Variants in HS6ST3 observed in about 807,000 individuals in gnomAD.
The protein encoded by HS6ST3 is heparan-sulfate 6-O-sulfotransferase 3.
HS6ST3 carries 12 observed loss-of-function variants against 36.7 expected under a neutral mutation model. That is an observed-to-expected ratio of 0.33 (90% CI 0.21 to 0.53). The LOEUF (loss-of-function observed/expected upper bound fraction) is 0.53. HS6ST3 is among the 20% of genes least tolerant of loss of function. HS6ST3 has a pLI of 0.95. For synonymous variants in HS6ST3, 240 were observed against 257.5 expected (o/e 0.93, Z 0.65); for missense variants, 584 against 640.9 (o/e 0.91, Z 0.96).
At chr13:96,777,701 A>T (rs1378152621) in intron 1 of HS6ST3, among the ~76,000 whole-genome samples, 1 of 152,236 alleles carries the variant, frequency 6.6e-6, no homozygotes, top group Non-Finnish European at 1.5e-5. Flanking sequence ...AAAACATTCC[A>T]TGTTCATGGA....
intron 1 of HS6ST3, among the ~76,000 whole-genome samples, chr13:96,093,123 C>A (rs1295865667): frequency 6.6e-6 from 1 of 152,120 alleles, no homozygotes; most frequent in African/African-American, 2.4e-5. Flanking sequence ...CCTGATTGAC[C>A]TCAAAGGGTT....
intron 1 of HS6ST3, among the ~76,000 whole-genome samples, chr13:96,829,691 T>C (rs1470857896): frequency 6.6e-6 from 1 of 152,238 alleles, no homozygotes; most frequent in African/African-American, 2.4e-5. Context: ...TAGTATTCCA[T>C]TGTGTATATA....
At chr13:96,202,320 G>A (rs1486027222) in intron 1 of HS6ST3, among the ~76,000 whole-genome samples, 1 of 152,128 alleles carries the variant, frequency 6.6e-6, no homozygotes, top group Non-Finnish European at 1.5e-5. Flanking sequence ...TGAAATTTCT[G>A]ATCAAAGGTT....
At chr13:96,460,309 C>T (rs1327231622) in intron 1 of HS6ST3, among the ~76,000 whole-genome samples, 1 of 152,156 alleles carries the variant, frequency 6.6e-6, no homozygotes, top group East Asian at 1.9e-4. Flanking sequence ...AACAAGTGTA[C>T]TCTGTGAAAT....
chr13:96,414,440 G>A (rs2055523051), intron 1 of HS6ST3, among the ~76,000 whole-genome samples: 1 of 152,162 alleles, frequency 6.6e-6, no homozygotes, highest in Admixed American at 6.5e-5. Context: ...AGCTAGGTTT[G>A]TGTGATATCA....
chr13:96,596,367 G>A (rs2056401496), intron 1 of HS6ST3, among the ~76,000 whole-genome samples: 1 of 152,138 alleles, frequency 6.6e-6, no homozygotes, highest in Non-Finnish European at 1.5e-5. Flanking sequence ...ATCAGTTGAT[G>A]AGCAGTTAGG....
intron 1 of HS6ST3, among the ~76,000 whole-genome samples, chr13:96,816,353 A>C (rs1878422313): frequency 6.6e-6 from 1 of 152,210 alleles, no homozygotes; most frequent in South Asian, 2.1e-4. Context: ...TAAAAGTCCT[A>C]AGCCAAAAGT....
chr13:96,639,847 G>A (rs984066664), intron 1 of HS6ST3, among the ~76,000 whole-genome samples: 4 of 151,886 alleles, frequency 2.6e-5, no homozygotes, highest in Non-Finnish European at 5.9e-5. Context: ...ATAGGATAAC[G>A]GTCACCAGCT....
At chr13:96,426,443 G>A (rs974673239) in intron 1 of HS6ST3, among the ~76,000 whole-genome samples, 9 of 152,108 alleles carry the variant, frequency 5.9e-5, no homozygotes, top group Non-Finnish European at 8.8e-5. Context: ...CTTTCTTGAT[G>A]TTTCTTTCTG....
intron 1 of HS6ST3, among the ~76,000 whole-genome samples, chr13:96,257,601 AT>A (rs1178575637): frequency 6.6e-6 from 1 of 152,220 alleles, no homozygotes; most frequent in Non-Finnish European, 1.5e-5. Context: ...ATTGTTGTTA[AT>A]TCATTTATAA....
chr13:96,285,872 T>C (rs1566311914), intron 1 of HS6ST3, among the ~76,000 whole-genome samples: 1 of 151,510 alleles, frequency 6.6e-6, no homozygotes, highest in Non-Finnish European at 1.5e-5. Context: ...TCCCTTCCTC[T>C]CTCTTTTCCT....
chr13:96,553,325 A>C (rs1284896284), intron 1 of HS6ST3, among the ~76,000 whole-genome samples: 1 of 152,218 alleles, frequency 6.6e-6, no homozygotes, highest in Non-Finnish European at 1.5e-5. Context: ...TCAATGAGTC[A>C]GAGTCTGCAT....
chr13:96,773,246 G>C (rs1162677511), intron 1 of HS6ST3, among the ~76,000 whole-genome samples: 1 of 152,196 alleles, frequency 6.6e-6, no homozygotes, highest in Non-Finnish European at 1.5e-5. Flanking sequence ...GGCTTGTTGG[G>C]CAGACACCAA....
At chr13:96,437,114 G>C (rs1293907811) in intron 1 of HS6ST3, among the ~76,000 whole-genome samples, 1 of 152,116 alleles carries the variant, frequency 6.6e-6, no homozygotes, top group Non-Finnish European at 1.5e-5. Context: ...CATGTGGTCT[G>C]TTTTCTCTTT....
intron 1 of HS6ST3, among the ~76,000 whole-genome samples, chr13:96,137,099 C>A (rs1353493229): frequency 6.6e-6 from 1 of 151,988 alleles, no homozygotes; most frequent in African/African-American, 2.4e-5. Context: ...ATTGTATATA[C>A]CTTGCAGCTA....
At chr13:96,418,998 C>T (rs570959403) in intron 1 of HS6ST3, among the ~76,000 whole-genome samples, 9 of 152,330 alleles carry the variant, frequency 5.9e-5, no homozygotes, top group South Asian at 2.1e-4. Flanking sequence ...TGAAACGCCC[C>T]GATAAATGCC....
At chr13:96,695,968 T>G (rs939076664) in intron 1 of HS6ST3, among the ~76,000 whole-genome samples, 14 of 152,126 alleles carry the variant, frequency 9.2e-5, no homozygotes, top group African/African-American at 3.1e-4. Flanking sequence ...TTGTTAAAAT[T>G]TAATAGTATA....
At chr13:96,434,599 G>C (rs1046331873) in intron 1 of HS6ST3, among the ~76,000 whole-genome samples, 1 of 152,000 alleles carries the variant, frequency 6.6e-6, no homozygotes, top group African/African-American at 2.4e-5. Context: ...CCCTTTCTTG[G>C]TGCTGGTGCC....
chr13:96,423,195 G>A (rs1029465652), intron 1 of HS6ST3, among the ~76,000 whole-genome samples: 3 of 151,910 alleles, frequency 2.0e-5, no homozygotes, highest in East Asian at 1.9e-4. Context: ...ATTCTAATTC[G>A]GGTATTTTAC....
Sources: allele counts gnomAD v4.1 joint callset (sites outside exome capture counted in the v4.1 genomes callset), GRCh38; gene constraint gnomAD v4.1.1; transcripts MANE v1.5; gene names NCBI Gene and HGNC (gene_info 2026-07-23, HGNC 2026-07-21).